JPH1: variants seen among roughly 807,000 people sequenced by gnomAD.
JPH1 encodes junctophilin 1.
A neutral mutation model predicts 53.6 loss-of-function variants in JPH1; 12 were observed. That is an observed-to-expected ratio of 0.22 (90% CI 0.14 to 0.36). The LOEUF is 0.36. Among genes scored for constraint, JPH1 ranks in the 10% least tolerant of loss-of-function variants. The pLI is 1.00. For synonymous variants in JPH1, 375 were observed against 363.8 expected (o/e 1.03, Z -0.35); for missense variants, 808 against 905.5 (o/e 0.89, Z 1.38).
Position 74,239,297 on chromosome 8 carries a change from C to T in JPH1, c.1906-1994G>A, listed in dbSNP as rs1238705629. Among the ~76,000 whole-genome samples the T allele has an allele frequency of 4.6e-5, 7 of 152,136 alleles. No individual in the cohort carries two copies. In the East Asian group the frequency reaches 7.7e-4, roughly 17 times the overall value. On this transcript the variant is annotated intron_variant, in intron 4 of 5. Transcript: ENST00000342232. The stretch of plus-strand genomic sequence containing the variant: ...CAGCCAGTTTGAACAAATTGGAACT[C>T]GAATTAAGCTTTAGTCTGGTCACTT...
chr8:74,245,893 T>C (rs543729406), intron 3 of JPH1, among the ~76,000 whole-genome samples: 1 of 150,496 alleles, frequency 6.6e-6, no homozygotes, highest in Non-Finnish European at 1.5e-5. Context: ...GAGGCTATTC[T>C]TCTGACAGAG....
Position 74,244,621 on chromosome 8 carries a change from C to T in JPH1, c.1813G>A (p.Ala605Thr), listed in dbSNP as rs959695107. 2 of 1,614,110 alleles carry T rather than the reference C, an allele frequency of 1.2e-6. No homozygotes were observed. Among genetic ancestry groups the T allele is most frequent in the African/African-American group, 2.7e-5 (2 of 74,930 alleles). The change falls in exon 4 of 6, where the codon GCT (alanine) becomes ACT (threonine). Residue 605 changes from alanine to threonine, a missense_variant. Physicochemically the swap from Ala to Thr is moderately conservative, Grantham distance 58. Coordinates refer to ENST00000342232, the MANE Select transcript of JPH1 (RefSeq NM_020647.4). ...VTKPVAKESKAEPKAKKSELA... is the reference protein window; with the variant it reads ...VTKPVAKESKTEPKAKKSELA... Reference sequence around the variant, plus strand: ...TCAGACTTCTTAGCTTTTGGCTCAGCTTTGCTTTCTTTGGCAACTGGTTTT... The same window carrying T: ...TCAGACTTCTTAGCTTTTGGCTCAGTTTTGCTTTCTTTGGCAACTGGTTTT...
At chr8:74,301,174 G>T (rs1807671075) in intron 2 of JPH1, among the ~76,000 whole-genome samples, 1 of 152,018 alleles carries the variant, frequency 6.6e-6, no homozygotes, top group South Asian at 2.1e-4. Context: ...CTCAACCAGG[G>T]TCTTTTATCA....
chr8:74,313,447 T>C (rs1468802632), intron 2 of JPH1, among the ~76,000 whole-genome samples: 1 of 151,850 alleles, frequency 6.6e-6, no homozygotes, highest in Non-Finnish European at 1.5e-5. Flanking sequence ...GGGATAAAGA[T>C]GAAAACCTTG....
chr8:74,261,068 T>C (rs1031882531), intron 2 of JPH1, among the ~76,000 whole-genome samples: 3 of 152,142 alleles, frequency 2.0e-5, no homozygotes, highest in African/African-American at 4.8e-5. Flanking sequence ...AGTAAAAAGA[T>C]TCAGAGTTGC....
chr8:74,259,120 C>T (rs1233384581), intron 3 of JPH1, among the ~76,000 whole-genome samples: 35 of 152,170 alleles, frequency 2.3e-4, no homozygotes, highest in Admixed American at 2.0e-3. Context: ...AAATGAATTT[C>T]GTGTTTCAAC....
chr8:74,271,459 CT>C (rs1278450721), intron 2 of JPH1, among the ~76,000 whole-genome samples: 7 of 152,292 alleles, frequency 4.6e-5, no homozygotes, highest in African/African-American at 1.7e-4. Flanking sequence ...TTCTTCCTGC[CT>C]TTTCAATACA....
At chr8:74,293,184 T>C (rs757766516) in intron 2 of JPH1, among the ~76,000 whole-genome samples, 6 of 152,296 alleles carry the variant, frequency 3.9e-5, no homozygotes, top group East Asian at 1.9e-4. Context: ...ACTACTAATC[T>C]AGTAACTGAA....
At chr8:74,245,415 T>A (rs1805829311) in intron 3 of JPH1, among the ~76,000 whole-genome samples, 1 of 152,190 alleles carries the variant, frequency 6.6e-6, no homozygotes, top group South Asian at 2.1e-4. Flanking sequence ...ACTTGCAGAA[T>A]ACAGAGGCAA....
At chr8:74,263,970 TG>T (rs1179183692) in intron 2 of JPH1, among the ~76,000 whole-genome samples, 1 of 152,200 alleles carries the variant, frequency 6.6e-6, no homozygotes, top group East Asian at 1.9e-4. Context: ...AAGAACCAAC[TG>T]GCTCCACAGG....
chr8:74,309,207 G>A (rs1331336692), intron 2 of JPH1, among the ~76,000 whole-genome samples: 11 of 152,154 alleles, frequency 7.2e-5, no homozygotes, highest in East Asian at 3.9e-4. Flanking sequence ...CTGGTAGTAC[G>A]GGGAGCCTGC....
At chr8:74,279,477 C>T (rs1163421807) in intron 2 of JPH1, among the ~76,000 whole-genome samples, 1 of 152,164 alleles carries the variant, frequency 6.6e-6, no homozygotes, top group Non-Finnish European at 1.5e-5. Flanking sequence ...ACACTGGCAG[C>T]AGCTGGGATC....
intron 3 of JPH1, among the ~76,000 whole-genome samples, chr8:74,254,714 A>G (rs9773009): frequency 0.076 from 11,490 of 152,048 alleles, 1,385 homozygotes; most frequent in African/African-American, 0.25. Context: ...TACAAAATCA[A>G]TGTACAAAAA....
chr8:74,276,299 T>C (rs75123699), intron 2 of JPH1, among the ~76,000 whole-genome samples: 2 of 152,266 alleles, frequency 1.3e-5, no homozygotes, highest in South Asian at 2.1e-4. Context: ...GCTCCACTCA[T>C]CCTGAACAAC....
At chr8:74,284,397 C>G (rs766942531) in intron 2 of JPH1, among the ~76,000 whole-genome samples, 2 of 152,136 alleles carry the variant, frequency 1.3e-5, no homozygotes, top group Non-Finnish European at 2.9e-5. Context: ...TGTCAGCTAG[C>G]TAGCCTGTAT....
At chr8:74,270,255 T>C (rs1192881122) in intron 2 of JPH1, among the ~76,000 whole-genome samples, 1 of 152,220 alleles carries the variant, frequency 6.6e-6, no homozygotes, top group African/African-American at 2.4e-5. Flanking sequence ...CAACTCATAG[T>C]TGCCTTCCCC....
At chr8:74,272,518 G>A (rs1388358288) in intron 2 of JPH1, among the ~76,000 whole-genome samples, 2 of 151,696 alleles carry the variant, frequency 1.3e-5, no homozygotes, top group East Asian at 3.9e-4. Context: ...TAGTAACAAC[G>A]GCTCAAAGCA....
chr8:74,259,433 T>C lies in JPH1; in HGVS notation c.1210A>G (p.Ile404Val), dbSNP rs1311254475. ...AGCTCCCTGGCCACAGCTCTCGCGA[T>C]GTCGCACTCCTGGCGAGCGGCCAGC... is the stretch of plus-strand genomic sequence containing the variant. ...AALAARQECD[I>V]ARAVARELSP... The change falls in exon 3 of 6, where the codon ATC (isoleucine) becomes GTC (valine). Residue 404 changes from isoleucine to valine, a missense_variant. Transcript: ENST00000342232. 5.6e-6 allele frequency: 9 copies of C among 1,613,742 alleles called. No individual in the cohort carries two copies. The highest frequency in any genetic ancestry group is 1.3e-5 in the African/African-American group (1 of 74,944).
intron 2 of JPH1, among the ~76,000 whole-genome samples, chr8:74,291,634 C>T (rs1807329177): frequency 6.6e-6 from 1 of 152,172 alleles, no homozygotes; most frequent in African/African-American, 2.4e-5. Flanking sequence ...TGGGTATATA[C>T]CCAAAGGATT....
Sources: gnomAD v4.1 joint callset for allele counts (sites outside exome capture counted in the v4.1 genomes callset) on GRCh38, gnomAD v4.1.1 for gene constraint, MANE v1.5 for transcripts, NCBI Gene and HGNC (gene_info 2026-07-23, HGNC 2026-07-21) for gene names.